LPP: variants seen among roughly 807,000 people sequenced by gnomAD.
The protein encoded by LPP is lipoma-preferred partner.
A neutral mutation model predicts 60.4 loss-of-function variants in LPP; 38 were observed. The ratio of observed to expected loss-of-function variants is 0.63; its 90% CI spans 0.49 to 0.83. The LOEUF (loss-of-function observed/expected upper bound fraction) is 0.83, where lower values mean the gene tolerates loss of function less well. Ranked by LOEUF, LPP falls within the 40% of genes least tolerant of loss-of-function variation. The pLI is 0.00. For missense variants in LPP, 902 were observed against 783.6 expected, an observed-to-expected ratio of 1.15 and a Z score of -1.80; for synonymous variants, 328 against 290.8, an observed-to-expected ratio of 1.13 and a Z score of -1.30.
intron 9 of LPP, among the ~76,000 whole-genome samples, chr3:188,814,228 C>G (rs1751866799): frequency 6.6e-6 from 1 of 152,176 alleles, no homozygotes; most frequent in Non-Finnish European, 1.5e-5. Context: ...CTACCTCTGT[C>G]ACTTAGTAGA....
At chr3:188,433,495 C>A (rs371733360) in intron 4 of LPP, among the ~76,000 whole-genome samples, 1 of 146,404 alleles carries the variant, frequency 6.8e-6, no homozygotes, top group South Asian at 2.1e-4. Context: ...GAAAATTACT[C>A]AAACCCAGCC....
rs951199032 is a variant in LPP at position 188,881,516 on chromosome 3, G to A, written c.*7037G>A. On this transcript the variant is annotated 3_prime_UTR_variant, in exon 12 of 12. Transcript: ENST00000617246. ...GCTTTCTTTAGGGTTGAAAGTAAAC[G>A]AAATTGGAATCACCCAAAGAGAATT... The A allele has an allele frequency of 9.4e-6, 2 of 213,524 alleles. No individual in the cohort carries two copies. Among genetic ancestry groups the A allele is most frequent in the Non-Finnish European group, 1.9e-5 (2 of 105,454 alleles). The allele number at this position is 213,524 out of a possible 1,614,324, so 13.2% of individuals were successfully genotyped here.
intron 5 of LPP, among the ~76,000 whole-genome samples, chr3:188,486,533 TGAA>T (rs1318477325): frequency 1.3e-5 from 2 of 152,022 alleles, no homozygotes; most frequent in South Asian, 2.1e-4. Context: ...AATGAGGACT[TGAA>T]GAAGGAGAGG....
Position 188,314,904 on chromosome 3 carries a change from A to G in LPP, c.-66-26759A>G, listed in dbSNP as rs578231464. 5.3e-5 allele frequency among the ~76,000 whole-genome samples: 8 copies of G among 152,336 alleles called. No homozygotes were observed. The South Asian group carries it at 8.3e-4, about 16-fold the overall frequency. On this transcript the variant is annotated intron_variant, in intron 2 of 11. Transcript: ENST00000617246. ...TAACATTTACATGGGTTATTTCTTT[A>G]AAATATGGTAGAATTCCCTTGTGAA... is the stretch of plus-strand genomic sequence containing the variant.
chr3:188,180,810 T>TG (rs1368774639), intron 1 of LPP: 1 of 150,850 alleles, frequency 6.6e-6, no homozygotes, highest in East Asian at 2.0e-4. Flanking sequence ...GAATTGTTTG[T>TG]ACATGTAATT....
rs1221392735 is a variant in LPP, at chr3:188,665,445, CTT to C, written c.1114-42821_1114-42820del. On this transcript the variant is annotated intron_variant, in intron 7 of 11. Coordinates refer to ENST00000617246, the MANE Select transcript of LPP (RefSeq NM_001375462.1). ...CTCTCTAAACAGAGCAAACATATTC[CTT>C]CTTCTTCTTCTTCTTTTTTTTTTTT... Among the ~76,000 whole-genome samples, 1,345 of 137,528 alleles carry C rather than the reference CTT, an allele frequency of 9.8e-3. 610 individuals carry two copies. Among genetic ancestry groups the C allele is most frequent in the Middle Eastern group, 0.019 (5 of 266 alleles). 90.2% of individuals were successfully genotyped at this position (137,528 alleles called of 152,430 possible). A position where few individuals can be genotyped will look rare whatever the true frequency, so the allele number is the denominator to read the frequency against.
chr3:188,164,633 GGTAA>G lies in LPP; in HGVS notation c.-190+10384_-190+10387del, dbSNP rs756780540. 4.7e-4 allele frequency among the ~76,000 whole-genome samples: 72 copies of G among 152,152 alleles called. 1 individual carries two copies. Among genetic ancestry groups the G allele is most frequent in the Non-Finnish European group, 6.9e-4 (47 of 68,034 alleles). On this transcript the variant is annotated intron_variant, in intron 1 of 11. Coordinates refer to ENST00000617246, the MANE Select transcript of LPP (RefSeq NM_001375462.1). ...AGGCAAACTCTGCCCTGGCCAGGCA[GGTAA>G]GTGACACCTTTTCTTAGAATGAGGT... is the stretch of plus-strand genomic sequence containing the variant.
At chr3:188,196,601 C>T (rs926224272) in intron 1 of LPP, among the ~76,000 whole-genome samples, 2 of 152,208 alleles carry the variant, frequency 1.3e-5, no homozygotes, top group African/African-American at 4.8e-5. Flanking sequence ...CCATCCTATT[C>T]TCTCTTTTCT....
At chr3:188,613,328 G>A (rs933059935) in intron 7 of LPP, among the ~76,000 whole-genome samples, 8 of 85,552 alleles carry the variant, frequency 9.4e-5, no homozygotes, top group African/African-American at 2.4e-4. Flanking sequence ...ATCGCTGTGA[G>A]TTGGGAGCCA....
chr3:188,342,762 T>C (rs997221463), intron 3 of LPP, among the ~76,000 whole-genome samples: 1 of 152,054 alleles, frequency 6.6e-6, no homozygotes, highest in Non-Finnish European at 1.5e-5. Context: ...TGAGAGGAAA[T>C]TAAGGTGTCA....
intron 1 of LPP, among the ~76,000 whole-genome samples, chr3:188,164,091 A>C (rs533306814): frequency 6.6e-6 from 1 of 152,306 alleles, no homozygotes; most frequent in African/African-American, 2.4e-5. Context: ...TCTATAATAT[A>C]AGAGAGTGCC....
chr3:188,609,185 C>T lies in LPP; in HGVS notation c.454C>T (p.Pro152Ser). 6.2e-7 allele frequency: 1 copy of T among 1,612,744 alleles called. No individual in the cohort carries two copies. Among genetic ancestry groups the T allele is most frequent in the Non-Finnish European group, 8.5e-7 (1 of 1,179,134 alleles). ...PQSSTGSTAS[P>S]PVSTPVTGHK... ...GAGCTCCACTGGTTCAACAGCCTCT[C>T]CTCCAGTTTCGACCCCAGTCACAGG... The change falls in exon 7 of 12, where the codon CCT becomes TCT. Residue 152 changes from proline to serine, a missense_variant. Physicochemically the swap from Pro to Ser is moderately conservative, Grantham distance 74 (BLOSUM62 -1). Transcript: ENST00000617246. This position sits in a 1 kb window ranked among gnomAD's most constrained non-coding sequence, Gnocchi z 6.9.
chr3:188,288,819 C>T (rs113004294), intron 2 of LPP, among the ~76,000 whole-genome samples: 2 of 28,314 alleles, frequency 7.1e-5, no homozygotes, highest in East Asian at 6.0e-4. Flanking sequence ...CCACCCCCCA[C>T]CCCCCACCCC....
chr3:188,695,605 T>C (rs890066237), intron 7 of LPP, among the ~76,000 whole-genome samples: 23 of 152,178 alleles, frequency 1.5e-4, no homozygotes, highest in Admixed American at 1.5e-3. Flanking sequence ...CTGCCTACTT[T>C]CCCAACTCCA....
intron 6 of LPP, among the ~76,000 whole-genome samples, chr3:188,582,164 T>C (rs375327367): frequency 0.13 from 14,067 of 111,004 alleles, 1,049 homozygotes; most frequent in East Asian, 0.4. Context: ...CTTTTTTTTT[T>C]TTTTTTTTTT....
At chr3:188,475,684 C>G (rs904156086) in intron 4 of LPP, among the ~76,000 whole-genome samples, 1 of 152,090 alleles carries the variant, frequency 6.6e-6, no homozygotes, top group Non-Finnish European at 1.5e-5. Flanking sequence ...GGGCGGATCA[C>G]GAGGTGAGGA....
intron 7 of LPP, among the ~76,000 whole-genome samples, chr3:188,670,264 A>T (rs78890770): frequency 0.059 from 8,966 of 152,216 alleles, 853 homozygotes; most frequent in African/African-American, 0.2. Context: ...ATAAAAAAAT[A>T]AATTAATTAG....
intron 8 of LPP, among the ~76,000 whole-genome samples, chr3:188,719,689 C>G (rs1343525980): frequency 6.6e-6 from 1 of 152,132 alleles, no homozygotes; most frequent in African/African-American, 2.4e-5. Flanking sequence ...GGTATTAACA[C>G]ACAAACACAA....
In LPP at chr3:188,419,684, G is replaced by A. The variant is rs1787254047; in HGVS notation, c.193+13371G>A. On this transcript the variant is annotated intron_variant, in intron 4 of 11. Transcript: ENST00000617246. ...AAGGGTGGATCACCTGAGATCAGGA[G>A]TTCAAGACCAGTCTGGCCAACATGG... Among the ~76,000 whole-genome samples the A allele has an allele frequency of 2.6e-5, 4 of 152,178 alleles. No homozygotes were observed. In the South Asian group the frequency reaches 8.3e-4, roughly 31 times the overall value.
Sources: allele counts gnomAD v4.1 joint callset (sites outside exome capture counted in the v4.1 genomes callset), GRCh38; gene constraint gnomAD v4.1.1; non-coding constraint Gnocchi (gnomAD v3.1); transcripts MANE v1.5; gene names NCBI Gene and HGNC (gene_info 2026-07-23, HGNC 2026-07-21).